UTP25: variants seen among roughly 807,000 people sequenced by gnomAD.
The protein encoded by UTP25 is UTP25 small subunit processome component.
A neutral mutation model predicts 78.9 loss-of-function variants in UTP25; 50 were observed. The observed-to-expected ratio is 0.63, with a 90% CI of 0.50 to 0.80. The LOEUF is 0.80. UTP25 is among the 30% of genes least tolerant of loss of function. The pLI is 0.00. For missense variants in UTP25, 846 were observed against 911.3 expected (o/e 0.93, Z 0.92); for synonymous variants, 329 against 336.5 (o/e 0.98, Z 0.24).
intron 11 of UTP25, among the ~76,000 whole-genome samples, chr1:209,846,915 A>G (rs1163919350): frequency 6.6e-6 from 1 of 152,200 alleles, no homozygotes; most frequent in Non-Finnish European, 1.5e-5. Flanking sequence ...CAGTTATTGT[A>G]GAGATATTGG....
chr1:209,828,693 C>G (rs978024343), intron 1 of UTP25, among the ~76,000 whole-genome samples: 11 of 151,228 alleles, frequency 7.3e-5, no homozygotes, highest in African/African-American at 2.4e-4. Flanking sequence ...CGTGAGCCAC[C>G]GCGCCCAGCT....
intron 3 of UTP25, among the ~76,000 whole-genome samples, chr1:209,832,946 T>C (rs977803045): frequency 4.6e-5 from 7 of 152,112 alleles, no homozygotes; most frequent in African/African-American, 1.7e-4. Flanking sequence ...TCCAAAATAA[T>C]GTTTGGCCAG....
intron 3 of UTP25, among the ~76,000 whole-genome samples, chr1:209,831,268 C>G (rs627069): frequency 0.68 from 103,738 of 152,014 alleles, 36,090 homozygotes; most frequent in Non-Finnish European, 0.75. Context: ...ATTTCAGGGA[C>G]TTCATCAGTA....
In UTP25 at chr1:209,842,282, G is replaced by C; in HGVS notation, c.1503G>C (p.Met501Ile). 1 of 1,613,708 alleles carries C rather than the reference G, an allele frequency of 6.2e-7. No homozygotes were observed. Among genetic ancestry groups the C allele is most frequent in the Non-Finnish European group, 8.5e-7 (1 of 1,179,914 alleles). The change falls in exon 9 of 12, where the codon ATG (methionine) becomes ATC (isoleucine). Residue 501 changes from methionine to isoleucine, a missense_variant. Met to Ile is a conservative substitution (Grantham distance 10). Transcript: ENST00000491415. Reference protein sequence around the residue: ...WEHVLHLMNHMNLLPLDSHGV... With the variant: ...WEHVLHLMNHINLLPLDSHGV... ...ACTCAAAGCATTTGATGAATCACAT[G>C]AACCTACTACCCCTGGACTCACATG...
intron 4 of UTP25, among the ~76,000 whole-genome samples, chr1:209,834,153 TG>T (rs2078118786): frequency 1.3e-5 from 2 of 152,216 alleles, no homozygotes; most frequent in African/African-American, 4.8e-5. Flanking sequence ...TTAGAAACTT[TG>T]GAGGAAACAT....
At chr1:209,840,795 G>A (rs904636650) in intron 7 of UTP25, 58 bp from the exon 8 acceptor site, 12 of 1,552,432 alleles carry the variant, frequency 7.7e-6, no homozygotes, top group Non-Finnish European at 1.8e-6. Context: ...TGAGAGGGTG[G>A]AAGGTAATGG....
rs2078098492 is a variant in UTP25 at position 209,830,748 on chromosome 1, G to A, written c.148-55G>A. 7 of 1,569,766 alleles carry A rather than the reference G, an allele frequency of 4.5e-6. No individual in the cohort carries two copies. The South Asian group carries it at 7.2e-5, about 16-fold the overall frequency. ...GATGTTGGCTTGATGATAGTTTTAG[G>A]GTAACAATAAGAACAATATAGTTTT... On this transcript the variant is annotated intron_variant, in intron 2 of 11. Coordinates refer to ENST00000491415, the MANE Select transcript of UTP25 (RefSeq NM_014388.7).
At chr1:209,829,990 A>G (rs997063392) in intron 1 of UTP25, 118 bp from the exon 2 acceptor site, 4 of 840,336 alleles carry the variant, frequency 4.8e-6, no homozygotes, top group African/African-American at 1.7e-5. Flanking sequence ...TTGCATGACT[A>G]TATCTAAAAT....
Position 209,841,040 on chromosome 1 carries a change from C to A in UTP25, c.1470C>A (p.Asn490Lys). ...IDQADIYLMQNWEHVLHLMNH... is the reference protein window; with the variant it reads ...IDQADIYLMQKWEHVLHLMNH... ...AAGCTGACATTTACCTGATGCAGAACTGGGAGCATGTCCTGGTAATGCTGG... is the reference window on the plus strand; with the variant it reads ...AAGCTGACATTTACCTGATGCAGAAATGGGAGCATGTCCTGGTAATGCTGG... Residue 490 changes from asparagine (N) to lysine (K), a missense_variant, in exon 8 of 12, where the codon AAC (asparagine) becomes AAA (lysine). Physicochemically the swap from Asn to Lys is moderately conservative, Grantham distance 94 (BLOSUM62 0). Coordinates refer to ENST00000491415, the MANE Select transcript of UTP25 (RefSeq NM_014388.7). 6.2e-7 allele frequency: 1 copy of A among 1,614,008 alleles called. No individual in the cohort carries two copies. The highest frequency in any genetic ancestry group is 8.5e-7 in the Non-Finnish European group (1 of 1,179,918).
intron 11 of UTP25, among the ~76,000 whole-genome samples, chr1:209,850,604 C>T (rs2078225129): frequency 6.6e-6 from 1 of 152,236 alleles, no homozygotes; most frequent in Non-Finnish European, 1.5e-5. Flanking sequence ...CACAGGGCGG[C>T]ACTGTGCAGC....
chr1:209,845,845 T>C (rs1233481523), intron 11 of UTP25, among the ~76,000 whole-genome samples: 1 of 150,426 alleles, frequency 6.6e-6, no homozygotes, highest in Non-Finnish European at 1.5e-5. Flanking sequence ...TAAGTACTTT[T>C]TTTTTCTTTT....
chr1:209,846,105 T>G (rs1192887592), intron 11 of UTP25, among the ~76,000 whole-genome samples: 1 of 152,116 alleles, frequency 6.6e-6, no homozygotes, highest in Non-Finnish European at 1.5e-5. Flanking sequence ...TCTGCGCACT[T>G]CAGCCTCCCA....
intron 3 of UTP25, 139 bp from the exon 4 acceptor site, chr1:209,833,044 CTA>C: frequency 1.2e-6 from 1 of 843,354 alleles, no homozygotes; most frequent in South Asian, 1.9e-5. Flanking sequence ...ATTTTGAAAT[CTA>C]TGTTTTCTAC....
intron 5 of UTP25, 126 bp downstream of exon 5, chr1:209,835,289 A>G: frequency 1.3e-6 from 1 of 769,742 alleles, no homozygotes; most frequent in Middle Eastern, 2.5e-4. Context: ...ATAGGGAAGC[A>G]GGGCATAAGG....
chr1:209,850,321 T>C (rs1367763796), intron 11 of UTP25, among the ~76,000 whole-genome samples: 1 of 152,092 alleles, frequency 6.6e-6, no homozygotes, highest in Non-Finnish European at 1.5e-5. Flanking sequence ...AACCACATAA[T>C]AGATCACAGT....
At chr1:209,846,179 A>G (rs1372011700) in intron 11 of UTP25, among the ~76,000 whole-genome samples, 1 of 152,106 alleles carries the variant, frequency 6.6e-6, no homozygotes, top group Admixed American at 6.6e-5. Flanking sequence ...TGTATTTTAT[A>G]TTGTAGTATC....
Position 209,828,167 on chromosome 1 carries a change from A to G in UTP25, c.104A>G (p.Asp35Gly). Reference protein sequence around the residue: ...RDFGEEHPFYDRVSRKEAKPQ... With the variant: ...RDFGEEHPFYGRVSRKEAKPQ... The stretch of plus-strand genomic sequence containing the variant: ...TTCGGCGAGGAGCATCCCTTCTATG[A>G]CAGGTCTGAAGGGGCGTGGCAGGGC... Residue 35 changes from aspartate (D) to glycine (G), a missense_variant, in exon 1 of 12, where the codon GAC (aspartate) becomes GGC (glycine). Coordinates refer to ENST00000491415, the MANE Select transcript of UTP25 (RefSeq NM_014388.7). 1 of 1,612,578 alleles carries G rather than the reference A, an allele frequency of 6.2e-7. No homozygotes were observed. The highest frequency in any genetic ancestry group is 2.2e-5 in the East Asian group (1 of 44,854).
At chr1:209,829,660 T>C (rs995328690) in intron 1 of UTP25, among the ~76,000 whole-genome samples, 8 of 145,234 alleles carry the variant, frequency 5.5e-5, no homozygotes, top group African/African-American at 2.0e-4. Context: ...ATTTTTCTTA[T>C]TTTTTTGTAG....
In UTP25 at chr1:209,835,121, T is replaced by G. The variant is rs751913905; in HGVS notation, c.609T>G (p.Ile203Met). 2 of 1,613,830 alleles carry G rather than the reference T, an allele frequency of 1.2e-6. No homozygotes were observed. The highest frequency in any genetic ancestry group is 1.1e-5 in the South Asian group (1 of 91,070). The change falls in exon 5 of 12, where the codon ATT (isoleucine) becomes ATG (methionine). Residue 203 changes from isoleucine (I) to methionine (M), a missense_variant. By Grantham distance (10) the Ile-to-Met change is conservative. Transcript: ENST00000491415. Reference protein sequence around the residue: ...HVNKELKEKAIQAVATNPKTT... With the variant: ...HVNKELKEKAMQAVATNPKTT... ...ACAAAGAACTGAAAGAAAAAGCAATTCAGGCTGTTGCCACAAATCCCAAAA... is the reference window on the plus strand; with the variant it reads ...ACAAAGAACTGAAAGAAAAAGCAATGCAGGCTGTTGCCACAAATCCCAAAA...
Sources: allele counts gnomAD v4.1 joint callset (sites outside exome capture counted in the v4.1 genomes callset), GRCh38; gene constraint gnomAD v4.1.1; transcripts MANE v1.5; gene names NCBI Gene and HGNC (gene_info 2026-07-23, HGNC 2026-07-21).